The following NDC1 variants were observed in gnomAD, a reference collection of about 807,000 sequenced individuals.
The protein encoded by NDC1 is nucleoporin NDC1.
NDC1 carries 24 observed loss-of-function variants against 89.8 expected under a neutral mutation model. The ratio of observed to expected loss-of-function variants is 0.27; its 90% CI spans 0.19 to 0.38. The LOEUF (loss-of-function observed/expected upper bound fraction) is 0.38. Ranked by LOEUF, NDC1 falls within the 10% of genes least tolerant of loss-of-function variation. The pLI, the probability that NDC1 is intolerant of heterozygous loss-of-function variation, is 1.00. For synonymous variants in NDC1, 296 were observed against 284.8 expected, an observed-to-expected ratio of 1.04 and a Z score of -0.39; for missense variants, 728 against 797.6, an observed-to-expected ratio of 0.91 and a Z score of 1.05.
At chr1:53,829,095 C>T (rs1349513416) in intron 3 of NDC1, among the ~76,000 whole-genome samples, 1 of 152,110 alleles carries the variant, frequency 6.6e-6, no homozygotes, top group Non-Finnish European at 1.5e-5. Flanking sequence ...GCTAGGGAGG[C>T]AACTATGGGT....
chr1:53,816,971 A>C (rs1324211573), intron 6 of NDC1, among the ~76,000 whole-genome samples: 1 of 152,204 alleles, frequency 6.6e-6, no homozygotes, highest in Non-Finnish European at 1.5e-5. Flanking sequence ...GAATGGCCAT[A>C]ATCAAAAAAT....
At chr1:53,788,323 T>C (rs1184516863) in intron 15 of NDC1, among the ~76,000 whole-genome samples, 1 of 151,918 alleles carries the variant, frequency 6.6e-6, no homozygotes, top group Non-Finnish European at 1.5e-5. Context: ...AGACTAAGTG[T>C]GGTGGCTCAC....
At chr1:53,789,643 C>CA (rs1410269552) in intron 14 of NDC1, among the ~76,000 whole-genome samples, 1 of 150,656 alleles carries the variant, frequency 6.6e-6, no homozygotes, top group Non-Finnish European at 1.5e-5. Flanking sequence ...ACTAAAAATA[C>CA]AAAAAATTAG....
At chr1:53,773,428 CTGA>C (rs1647135889) in intron 16 of NDC1, among the ~76,000 whole-genome samples, 1 of 152,138 alleles carries the variant, frequency 6.6e-6, no homozygotes, top group African/African-American at 2.4e-5. Context: ...TCTAAGGATT[CTGA>C]TGACAGCTTT....
At chr1:53,778,260 T>TATAC (rs767542333) in intron 16 of NDC1, among the ~76,000 whole-genome samples, 60 of 144,780 alleles carry the variant, frequency 4.1e-4, no homozygotes, top group African/African-American at 1.4e-3. Flanking sequence ...TGTGTGTATA[T>TATAC]ACACACACAC....
intron 7 of NDC1, among the ~76,000 whole-genome samples, chr1:53,808,844 G>A (rs1024075489): frequency 1.3e-5 from 2 of 152,132 alleles, no homozygotes; most frequent in Non-Finnish European, 2.9e-5. Context: ...TTTGAAAAGT[G>A]AGAAACCATA....
At chr1:53,794,607 C>A (rs571271399) in intron 13 of NDC1, among the ~76,000 whole-genome samples, 1 of 152,150 alleles carries the variant, frequency 6.6e-6, no homozygotes, top group African/African-American at 2.4e-5. Flanking sequence ...TGGTGGCTCG[C>A]GCCTGTAATT....
rs184500096 is a variant in NDC1 at position 53,788,969 on chromosome 1, G to A, written c.1699+164C>T. Among the ~76,000 whole-genome samples the A allele has an allele frequency of 3.3e-4, 50 of 150,702 alleles. No individual in the cohort carries two copies. The South Asian group carries it at 7.1e-3, about 21-fold the overall frequency. On this transcript the variant is annotated intron_variant, in intron 15 of 17. Coordinates refer to ENST00000371429, the MANE Select transcript of NDC1 (RefSeq NM_018087.5). ...AAAAATTGTGCCCAAATCAAAATACGCCTAAATATATTTTTCAAAATGATC... is the reference window on the plus strand; with the variant it reads ...AAAAATTGTGCCCAAATCAAAATACACCTAAATATATTTTTCAAAATGATC...
At chr1:53,769,709 T>A (rs1452365475) in intron 17 of NDC1, among the ~76,000 whole-genome samples, 2 of 152,220 alleles carry the variant, frequency 1.3e-5, no homozygotes, top group Non-Finnish European at 2.9e-5. Context: ...CATGATAATG[T>A]AGACTGCACA....
intron 6 of NDC1, among the ~76,000 whole-genome samples, chr1:53,817,003 G>A (rs184114090): frequency 6.1e-4 from 93 of 152,292 alleles, no homozygotes; most frequent in African/African-American, 2.0e-3. Context: ...AGATGTTGGC[G>A]TGGATGCGGT....
intron 16 of NDC1, among the ~76,000 whole-genome samples, chr1:53,774,534 C>A (rs756062767): frequency 6.6e-6 from 1 of 152,058 alleles, no homozygotes; most frequent in African/African-American, 2.4e-5. Flanking sequence ...TTTTTGTAGT[C>A]TAAAATCATT....
At chr1:53,790,926 GTATAA>G (rs1394983588) in intron 14 of NDC1, among the ~76,000 whole-genome samples, 2 of 152,088 alleles carry the variant, frequency 1.3e-5, no homozygotes, top group Non-Finnish European at 1.5e-5. Flanking sequence ...TATCACCTGA[GTATAA>G]TATGTTTTTG....
chr1:53,779,469 T>C lies in NDC1; in HGVS notation c.1801-6980A>G, dbSNP rs372994880. 3.1e-4 allele frequency among the ~76,000 whole-genome samples: 47 copies of C among 152,284 alleles called. No homozygotes were observed. The East Asian group carries it at 8.7e-3, about 28-fold the overall frequency. Reference sequence around the variant, plus strand: ...ATGTTATTTTCCAACTAGGAAACAGTAGAAGCTGGAATTCAGACACAAGTC... The same window carrying C: ...ATGTTATTTTCCAACTAGGAAACAGCAGAAGCTGGAATTCAGACACAAGTC... On this transcript the variant is annotated intron_variant, in intron 16 of 17. Transcript: ENST00000371429.
intron 16 of NDC1, among the ~76,000 whole-genome samples, chr1:53,782,072 G>C (rs150981712): frequency 0.011 from 1,685 of 152,256 alleles, 37 homozygotes; most frequent in African/African-American, 0.039. Context: ...TGTTGAGGGG[G>C]GAGTTACAGA....
intron 4 of NDC1, among the ~76,000 whole-genome samples, chr1:53,826,392 T>TA (rs1420817742): frequency 2.6e-5 from 4 of 152,210 alleles, no homozygotes; most frequent in African/African-American, 9.6e-5. Context: ...TTAAAGCAGA[T>TA]AGAGTCCCAT....
At chr1:53,832,714 A>G (rs1649106235) in intron 2 of NDC1, 123 bp from the exon 3 acceptor site, 4 of 592,100 alleles carry the variant, frequency 6.8e-6, no homozygotes, top group Admixed American at 3.2e-5. Flanking sequence ...TCTTTTCTTC[A>G]AGAATTTAAT....
intron 17 of NDC1, among the ~76,000 whole-genome samples, chr1:53,770,376 G>A (rs140080056): frequency 0.012 from 1,759 of 152,046 alleles, 35 homozygotes; most frequent in African/African-American, 0.041. Flanking sequence ...GTGCAGTATC[G>A]GCTCACTGCA....
intron 2 of NDC1, among the ~76,000 whole-genome samples, chr1:53,833,837 T>C (rs1400776133): frequency 6.6e-6 from 1 of 152,086 alleles, no homozygotes; most frequent in African/African-American, 2.4e-5. Context: ...AAATTTTTTT[T>C]TTTTTTGAGA....
intron 6 of NDC1, among the ~76,000 whole-genome samples, chr1:53,811,089 C>A (rs1339499129): frequency 1.3e-5 from 2 of 152,162 alleles, no homozygotes; most frequent in Non-Finnish European, 2.9e-5. Flanking sequence ...AAGCGAAATA[C>A]AGGGGTAGAG....
Sources: gnomAD v4.1 joint callset for allele counts (sites outside exome capture counted in the v4.1 genomes callset) on GRCh38, gnomAD v4.1.1 for gene constraint, MANE v1.5 for transcripts, NCBI Gene and HGNC (gene_info 2026-07-23, HGNC 2026-07-21) for gene names.